SNAPC3: variants seen among roughly 807,000 people sequenced by gnomAD.
SNAPC3 encodes the protein small nuclear RNA activating complex polypeptide 3, also known as snRNA-activating protein complex subunit 3.
In SNAPC3, 56 loss-of-function variants were observed where a neutral mutation model predicts 47.7. The ratio of observed to expected loss-of-function variants is 1.18; its 90% CI spans 0.95 to 1.47. SNAPC3 has a LOEUF of 1.47. SNAPC3 is among the 40% of genes most tolerant of loss of function. The probability of loss-of-function intolerance (pLI) is 0.00; values close to 1 mark genes in which losing one functional copy is unlikely to be tolerated. For synonymous variants in SNAPC3, 235 were observed against 189.9 expected (o/e 1.24, Z -1.95); for missense variants, 665 against 511.3 (o/e 1.30, Z -2.90).
Position 15,423,121 on chromosome 9 carries a change from G to A in SNAPC3, c.242G>A (p.Arg81Gln). Residue 81 changes from arginine to glutamine, a missense_variant, in exon 1 of 9, where the codon CGG (arginine) becomes CAG (glutamine). Transcript: ENST00000380821. Reference sequence around the variant, plus strand: ...GGGAGCCAGGCAGCTGACTCCGACCGGGAGGATGCCGCGGTGGCCAGGGAT... The same window carrying A: ...GGGAGCCAGGCAGCTGACTCCGACCAGGAGGATGCCGCGGTGGCCAGGGAT... ...LPGSQAADSD[R>Q]EDAAVARDLD... 1 of 1,555,946 alleles carries A rather than the reference G, an allele frequency of 6.4e-7. No homozygotes were observed. Among genetic ancestry groups the A allele is most frequent in the Non-Finnish European group, 8.6e-7 (1 of 1,162,416 alleles).
At chr9:15,437,502 G>C (rs970905322) in intron 3 of SNAPC3, among the ~76,000 whole-genome samples, 8 of 151,964 alleles carry the variant, frequency 5.3e-5, no homozygotes, top group African/African-American at 1.9e-4. Flanking sequence ...CAAATTGCTG[G>C]GATTACAGGC....
intron 5 of SNAPC3, among the ~76,000 whole-genome samples, chr9:15,449,565 T>A (rs10810389): frequency 1.4e-3 from 52 of 38,226 alleles, no homozygotes; most frequent in East Asian, 8.9e-3. Flanking sequence ...ATATATATAT[T>A]TTTTTTTTTT....
At chr9:15,464,559 C>T (rs963164136), downstream of SNAPC3, 2 of 198,938 alleles carry the variant, frequency 1.0e-5, no homozygotes, top group Non-Finnish European at 1.0e-5. Context: ...AAAATAAAAA[C>T]AATATAGCCA....
At chr9:15,432,106 T>A (rs1268420156) in intron 2 of SNAPC3, 3 of 152,178 alleles carry the variant, frequency 2.0e-5, no homozygotes, top group Non-Finnish European at 2.9e-5. Context: ...ATGTATTTAC[T>A]AGAATTGAAC....
chr9:15,452,381 C>T (rs7034447), intron 6 of SNAPC3, among the ~76,000 whole-genome samples: 123,289 of 150,760 alleles, frequency 0.82, 51,604 homozygotes, highest in Non-Finnish European at 0.91. Context: ...TGCAATGGCG[C>T]GATTTCGGCT....
chr9:15,423,190 G>C lies in SNAPC3; in HGVS notation c.311G>C (p.Cys104Ser). ...GCGGCGGCTGAGCTGAGGGCGGTGTGCGGGTGAGTGCGGAGCAAAGGGGCT... is the reference window on the plus strand; with the variant it reads ...GCGGCGGCTGAGCTGAGGGCGGTGTCCGGGTGAGTGCGGAGCAAAGGGGCT... ...LEAAAELRAV[C>S]GLDKLKCLED... Residue 104 changes from cysteine (C) to serine (S), a missense_variant, in exon 1 of 9, where the codon TGC becomes TCC. Physicochemically the swap from Cys to Ser is moderately radical, Grantham distance 112. Transcript: ENST00000380821. The C allele has an allele frequency of 6.3e-7, 1 of 1,576,212 alleles. No homozygotes were observed. The highest frequency in any genetic ancestry group is 8.5e-7 in the Non-Finnish European group (1 of 1,170,280).
intron 3 of SNAPC3, among the ~76,000 whole-genome samples, chr9:15,439,658 C>T (rs1043981350): frequency 2.0e-5 from 3 of 152,066 alleles, no homozygotes; most frequent in Non-Finnish European, 2.9e-5. Context: ...CCTCAGCCTC[C>T]CGAGTAGCTG....
chr9:15,447,664 G>A (rs2034052724), intron 5 of SNAPC3, among the ~76,000 whole-genome samples: 1 of 152,090 alleles, frequency 6.6e-6, no homozygotes, highest in South Asian at 2.1e-4. Flanking sequence ...TGACCTCACT[G>A]TAGCATATGA....
intron 8 of SNAPC3, 35 bp downstream of exon 8, chr9:15,458,102 A>T (rs759273399): frequency 8.9e-7 from 1 of 1,128,044 alleles, no homozygotes; most frequent in Non-Finnish European, 1.3e-6. Context: ...TTCTCTGAGA[A>T]ATGGCAGTTT....
At chr9:15,447,499 C>T (rs1288771116) in intron 5 of SNAPC3, among the ~76,000 whole-genome samples, 7 of 145,962 alleles carry the variant, frequency 4.8e-5, no homozygotes, top group Non-Finnish European at 1.1e-4. Context: ...TAATAGTGAC[C>T]ACCTAATTTT....
intron 2 of SNAPC3, among the ~76,000 whole-genome samples, chr9:15,433,116 A>G (rs1350087053): frequency 6.6e-6 from 1 of 152,210 alleles, no homozygotes; most frequent in Non-Finnish European, 1.5e-5. Flanking sequence ...GGTCAAACCC[A>G]AATTGAAGGA....
In SNAPC3 at chr9:15,442,455, G is replaced by T. The variant is rs567855464; in HGVS notation, c.478-2147G>T. Among the ~76,000 whole-genome samples the T allele has an allele frequency of 5.3e-4, 80 of 151,348 alleles. 1 individual carries two copies. The highest frequency in any genetic ancestry group is 1.8e-3 in the African/African-American group (76 of 41,244). On this transcript the variant is annotated intron_variant, in intron 3 of 8. Coordinates refer to ENST00000380821, the MANE Select transcript of SNAPC3 (RefSeq NM_001039697.2). ...CGGAGGGCCTCCTCACTTCTCAGAC[G>T]GGGCGGCTGCTGGGCGGAGGGGCTC...
intron 7 of SNAPC3, 124 bp from the exon 8 acceptor site, chr9:15,457,836 T>C: frequency 3.2e-6 from 2 of 624,204 alleles, no homozygotes; most frequent in East Asian, 3.3e-5. Flanking sequence ...CAGCAACATC[T>C]TGTAAGCAAA....
At position 15,423,260 on chromosome 9, in the gene SNAPC3, C is replaced by T. The variant is rs185709921; in HGVS notation, c.314+67C>T. ...CAGGGTGCAGCCTTGCTCGTGCGCT[C>T]CTCTGGGACTCATCCCTGAGAAGGG... On this transcript the variant is annotated intron_variant, in intron 1 of 8. Coordinates refer to ENST00000380821, the MANE Select transcript of SNAPC3 (RefSeq NM_001039697.2). 1.9e-4 allele frequency: 269 copies of T among 1,423,858 alleles called. 2 individuals carry two copies. In the East Asian group the frequency reaches 6.9e-3, roughly 36 times the overall value. 88.2% of individuals were successfully genotyped at this position (1,423,858 alleles called of 1,614,324 possible). A position where few individuals can be genotyped will look rare whatever the true frequency, so the allele number is the denominator to read the frequency against.
downstream of SNAPC3, chr9:15,464,730 T>C (rs139069294): frequency 9.2e-4 from 188 of 203,638 alleles, 2 homozygotes; most frequent in African/African-American, 3.9e-3. Flanking sequence ...TAGTTACTAG[T>C]GCCTGCCTAT....
chr9:15,431,679 T>C (rs2032166091), intron 2 of SNAPC3, among the ~76,000 whole-genome samples: 1 of 152,084 alleles, frequency 6.6e-6, no homozygotes, highest in African/African-American at 2.4e-5. Flanking sequence ...GAGTGACACT[T>C]TTGACTCTTA....
rs753910525 is a variant in SNAPC3 at position 15,451,371 on chromosome 9, A to G, written c.784A>G (p.Lys262Glu). ...TTTTGAAGGAACATTTTATAATGAT[A>G]AAAGATACCCAGAATGCAGAGATTT... ...FYFEGTFYND[K>E]RYPECRDLSR... Residue 262 changes from lysine (K) to glutamate (E), a missense_variant, in exon 6 of 9, where the codon AAA becomes GAA. Lys to Glu is a moderately conservative substitution (Grantham distance 56). Coordinates refer to ENST00000380821, the MANE Select transcript of SNAPC3 (RefSeq NM_001039697.2). 2.6e-6 allele frequency: 4 copies of G among 1,553,194 alleles called. No individual in the cohort carries two copies. The South Asian group carries it at 3.6e-5, about 14-fold the overall frequency.
At chr9:15,439,203 G>A (rs781204030) in intron 3 of SNAPC3, among the ~76,000 whole-genome samples, 1 of 152,164 alleles carries the variant, frequency 6.6e-6, no homozygotes, top group Non-Finnish European at 1.5e-5. Context: ...TAGAGATGGC[G>A]TTTTGCCGTG....
At chr9:15,464,991 A>G (rs1185481319), downstream of SNAPC3, 1 of 219,594 alleles carries the variant, frequency 4.6e-6, no homozygotes, top group Non-Finnish European at 9.1e-6. Flanking sequence ...CACAATGTAG[A>G]CTGTGAGATT....
Sources: allele counts gnomAD v4.1 joint callset (sites outside exome capture counted in the v4.1 genomes callset), GRCh38; gene constraint gnomAD v4.1.1; transcripts MANE v1.5; gene names NCBI Gene and HGNC (gene_info 2026-07-23, HGNC 2026-07-21).